The following DCUN1D1 variants were observed in gnomAD, a reference collection of about 807,000 sequenced individuals.
The protein encoded by DCUN1D1 is defective in cullin neddylation 1 domain containing 1.
A neutral mutation model predicts 39.0 loss-of-function variants in DCUN1D1; 3 were observed. The ratio of observed to expected loss-of-function variants is 0.08; its 90% CI spans 0.04 to 0.20. The LOEUF is 0.20. Among genes scored for constraint, DCUN1D1 ranks in the 10% least tolerant of loss-of-function variants. The pLI is 1.00. For synonymous variants in DCUN1D1, 82 were observed against 96.3 expected, an observed-to-expected ratio of 0.85 and a Z score of 0.87; for missense variants, 158 against 302.4, an observed-to-expected ratio of 0.52 and a Z score of 3.54.
intron 2 of DCUN1D1, among the ~76,000 whole-genome samples, chr3:182,964,536 A>C (rs542440052): frequency 6.6e-6 from 1 of 152,310 alleles, no homozygotes; most frequent in African/African-American, 2.4e-5. Flanking sequence ...TTAAAGAAAA[A>C]AATCTATACT....
intron 4 of DCUN1D1, among the ~76,000 whole-genome samples, chr3:182,952,570 T>C (rs1726810263): frequency 1.3e-5 from 2 of 152,144 alleles, no homozygotes; most frequent in South Asian, 4.1e-4. Context: ...CTTCCTTCTA[T>C]GTCACCACCC....
In DCUN1D1 at chr3:182,938,406, A is replaced by G; in HGVS notation, c.*6688T>C. On this transcript the variant is annotated 3_prime_UTR_variant, in exon 7 of 7. Coordinates refer to ENST00000292782, the MANE Select transcript of DCUN1D1 (RefSeq NM_020640.4). The stretch of plus-strand genomic sequence containing the variant: ...ACTTGAACACTGCTGGGTAGTTATT[A>G]ACACTAACAAACTGTTAACAGTTAA... The G allele has an allele frequency of 6.6e-6, 1 of 151,754 alleles. No individual in the cohort carries two copies. The highest frequency in any genetic ancestry group is 1.9e-4 in the East Asian group (1 of 5,188). 9.4% of individuals were successfully genotyped at this position (151,754 alleles called of 1,614,324 possible).
At chr3:182,958,069 TCTC>T (rs1727184019) in intron 4 of DCUN1D1, among the ~76,000 whole-genome samples, 2 of 152,050 alleles carry the variant, frequency 1.3e-5, no homozygotes, top group Admixed American at 6.6e-5. Flanking sequence ...CCTTACCTCT[TCTC>T]CTATGATCTT....
intron 5 of DCUN1D1, 58 bp downstream of exon 5, chr3:182,947,492 T>C: frequency 1.7e-6 from 2 of 1,196,062 alleles, no homozygotes; most frequent in East Asian, 2.4e-5. Flanking sequence ...TGTTAATTTA[T>C]CTTTAAACAT....
rs1365542132 is a variant in DCUN1D1, at chr3:182,980,388, G to A, written c.3+99C>T. 6 of 899,306 alleles carry A rather than the reference G, an allele frequency of 6.7e-6. No individual in the cohort carries two copies. In the African/African-American group the frequency reaches 9.0e-5, roughly 14 times the overall value. 55.7% of individuals were successfully genotyped at this position (899,306 alleles called of 1,614,324 possible). A position where few individuals can be genotyped will look rare whatever the true frequency, so the allele number is the denominator to read the frequency against. On this transcript the variant is annotated intron_variant, in intron 1 of 6. Coordinates refer to ENST00000292782, the MANE Select transcript of DCUN1D1 (RefSeq NM_020640.4). ...CGGAGGCCGCGGGCCGAGGCTCGGG[G>A]CTGCAGGGTCGCCGCGGGACGGAGG...
At chr3:182,954,123 ATATAG>A (rs1221238759) in intron 4 of DCUN1D1, among the ~76,000 whole-genome samples, 5 of 152,352 alleles carry the variant, frequency 3.3e-5, no homozygotes, top group South Asian at 2.1e-4. Context: ...AAAATAACAT[ATATAG>A]TATAAGTCTG....
rs1223666354 is a variant in DCUN1D1 at position 182,944,152 on chromosome 3, A to G, written c.*942T>C. 6 of 152,648 alleles carry G rather than the reference A, an allele frequency of 3.9e-5. No individual in the cohort carries two copies. Among genetic ancestry groups the G allele is most frequent in the South Asian group, 4.1e-4 (2 of 4,834 alleles). 9.5% of individuals were successfully genotyped at this position (152,648 alleles called of 1,614,324 possible). On this transcript the variant is annotated 3_prime_UTR_variant, in exon 7 of 7. Coordinates refer to ENST00000292782, the MANE Select transcript of DCUN1D1 (RefSeq NM_020640.4). ...TGTGTTCCATAGTGCGATGACAAAA[A>G]AAAAGTAAAAACAAAACAAAAAAAC...
intron 4 of DCUN1D1, among the ~76,000 whole-genome samples, chr3:182,950,518 T>C (rs1335373334): frequency 6.6e-6 from 1 of 152,122 alleles, no homozygotes; most frequent in African/African-American, 2.4e-5. Context: ...TTTGTTTTTA[T>C]TATTGTTATT....
In DCUN1D1 at chr3:182,939,383, A is replaced by G. The variant is rs1374843626; in HGVS notation, c.*5711T>C. 6.6e-6 allele frequency: 1 copy of G among 152,198 alleles called. No individual in the cohort carries two copies. Among genetic ancestry groups the G allele is most frequent in the Non-Finnish European group, 1.5e-5 (1 of 68,036 alleles). 9.4% of individuals were successfully genotyped at this position (152,198 alleles called of 1,614,324 possible). On this transcript the variant is annotated 3_prime_UTR_variant, in exon 7 of 7. Transcript: ENST00000292782. The stretch of plus-strand genomic sequence containing the variant: ...AGGAATCTGAGATGAAAACATGTCC[A>G]CACAAAGACATTTATGAATGTTCAT...
rs60339329 is a variant in DCUN1D1 at position 182,967,128 on chromosome 3, CTATATATATATATA to C, written c.4-1389_4-1376del. On this transcript the variant is annotated intron_variant, in intron 1 of 6. Transcript: ENST00000292782. The stretch of plus-strand genomic sequence containing the variant: ...ACCTCCAAACAAACAAACAAAAAAA[CTATATATATATATA>C]TATATATATATATATATTTTCTGTG... 1.0e-3 allele frequency among the ~76,000 whole-genome samples: 143 copies of C among 143,494 alleles called. 3 individuals carry two copies. The highest frequency in any genetic ancestry group is 5.9e-3 in the Admixed American group (85 of 14,528). The allele number at this position is 143,494 out of a possible 152,430, so 94.1% of individuals were successfully genotyped here.
intron 4 of DCUN1D1, among the ~76,000 whole-genome samples, chr3:182,948,541 A>C (rs1726536651): frequency 1.3e-5 from 2 of 152,254 alleles, no homozygotes; most frequent in Admixed American, 6.5e-5. Context: ...ATCACATGAC[A>C]GAGAACTATG....
intron 1 of DCUN1D1, among the ~76,000 whole-genome samples, chr3:182,969,850 AATTT>A (rs1447597160): frequency 1.3e-5 from 2 of 152,216 alleles, no homozygotes; most frequent in African/African-American, 2.4e-5. Flanking sequence ...CAGTAAAATG[AATTT>A]ATTTGTTCAT....
intron 1 of DCUN1D1, among the ~76,000 whole-genome samples, chr3:182,976,385 C>A (rs1324187396): frequency 6.6e-6 from 1 of 151,686 alleles, no homozygotes; most frequent in Non-Finnish European, 1.5e-5. Context: ...CACTCCTTGC[C>A]ACCTAGGCCT....
intron 4 of DCUN1D1, among the ~76,000 whole-genome samples, chr3:182,957,697 T>C (rs1727150679): frequency 6.6e-6 from 1 of 151,902 alleles, no homozygotes; most frequent in Non-Finnish European, 1.5e-5. Context: ...CACCCTATCC[T>C]GGTATCACAA....
intron 4 of DCUN1D1, among the ~76,000 whole-genome samples, chr3:182,949,415 T>C (rs547004859): frequency 6.6e-6 from 1 of 152,008 alleles, no homozygotes; most frequent in African/African-American, 2.4e-5. Flanking sequence ...CAAAAACAGA[T>C]GATTTGTAAG....
intron 1 of DCUN1D1, among the ~76,000 whole-genome samples, chr3:182,973,591 G>T (rs528356308): frequency 2.0e-5 from 3 of 152,286 alleles, no homozygotes; most frequent in Admixed American, 1.3e-4. Context: ...GGCGGATCAT[G>T]AGGTCAAGAG....
At chr3:182,965,875 G>T (rs996704722) in intron 1 of DCUN1D1, 122 bp from the exon 2 acceptor site, 13 of 661,970 alleles carry the variant, frequency 2.0e-5, no homozygotes, top group Middle Eastern at 4.2e-4. Flanking sequence ...AAACATTTTA[G>T]CTTAAGATTT....
chr3:182,980,412 G>A (rs1216829972), intron 1 of DCUN1D1, 75 bp downstream of exon 1: 2 of 998,796 alleles, frequency 2.0e-6, no homozygotes, highest in Non-Finnish European at 2.4e-6. Context: ...GCGGGACGGA[G>A]GGCGGCCGGG....
chr3:182,946,101 G>T (rs967851126), intron 6 of DCUN1D1, among the ~76,000 whole-genome samples: 1 of 151,920 alleles, frequency 6.6e-6, no homozygotes, highest in South Asian at 2.1e-4. Flanking sequence ...TATGTATGAA[G>T]AAATCAATGT....
Sources: gnomAD v4.1 joint callset for allele counts (sites outside exome capture counted in the v4.1 genomes callset) on GRCh38, gnomAD v4.1.1 for gene constraint, MANE v1.5 for transcripts, NCBI Gene and HGNC (gene_info 2026-07-23, HGNC 2026-07-21) for gene names.